PLEKHA7: variants seen among roughly 807,000 people sequenced by gnomAD.
PLEKHA7 encodes the protein pleckstrin homology domain containing A7, also known as pleckstrin homology domain-containing family A member 7.
In PLEKHA7, 104 loss-of-function variants were observed where a neutral mutation model predicts 170.0. That is an observed-to-expected ratio of 0.61 (90% confidence interval 0.52 to 0.72). The LOEUF (loss-of-function observed/expected upper bound fraction) is 0.72. PLEKHA7 is among the 30% of genes least tolerant of loss of function. The pLI is 0.00. For missense variants in PLEKHA7, 1,615 were observed against 1,671.7 expected (o/e 0.97, Z 0.59); for synonymous variants, 648 against 660.8 (o/e 0.98, Z 0.30).
At chr11:16,982,829 A>G (rs1466389188) in intron 3 of PLEKHA7, among the ~76,000 whole-genome samples, 2 of 128,888 alleles carry the variant, frequency 1.6e-5, no homozygotes, top group African/African-American at 6.3e-5. Context: ...ACAGAGAGAG[A>G]GAGGGAGAGA....
intron 17 of PLEKHA7, 133 bp from the exon 18 acceptor site, chr11:16,795,151 GA>G: frequency 1.5e-6 from 1 of 659,968 alleles, no homozygotes; most frequent in Middle Eastern, 3.5e-4. Context: ...ACTAGTGCTA[GA>G]ACCAAGCCTG....
intron 10 of PLEKHA7, among the ~76,000 whole-genome samples, chr11:16,821,237 C>G (rs924733426): frequency 6.6e-6 from 1 of 152,202 alleles, no homozygotes; most frequent in Non-Finnish European, 1.5e-5. Flanking sequence ...ATCAATCACA[C>G]AGGACTTCCA....
At chr11:16,906,813 G>A in intron 3 of PLEKHA7, among the ~76,000 whole-genome samples, 1 of 136,038 alleles carries the variant, frequency 7.4e-6, no homozygotes, top group South Asian at 2.6e-4. Context: ...GAGCCTCTCT[G>A]CCTGGCTGCC....
rs1424242751 is a variant in PLEKHA7, at chr11:17,014,316, T to C, written c.86A>G (p.Asn29Ser). 6.9e-7 allele frequency: 1 copy of C among 1,442,332 alleles called. No homozygotes were observed. The highest frequency in any genetic ancestry group is 9.1e-7 in the Non-Finnish European group (1 of 1,093,136). The allele number at this position is 1,442,332 out of a possible 1,614,324, so 89.3% of individuals were successfully genotyped here. ...GCGTCCCCGGGTCCTCGCGCCGCAC[T>C]TGATGAAGAAGACGCGGCCATCCCG... Reference protein sequence around the residue: ...VCRDGRVFFINDQLRCTTWLH... With the variant: ...VCRDGRVFFISDQLRCTTWLH... The change falls in exon 1 of 27, where the codon AAT (asparagine) becomes AGT (serine). Residue 29 changes from asparagine (N) to serine (S), a missense_variant and splice_region_variant. Transcript: ENST00000531066.
intron 17 of PLEKHA7, among the ~76,000 whole-genome samples, chr11:16,798,482 G>T (rs1848386057): frequency 6.6e-6 from 1 of 152,138 alleles, no homozygotes. Flanking sequence ...AAAAAAAAAG[G>T]ATTCTAGGCC....
intron 4 of PLEKHA7, among the ~76,000 whole-genome samples, chr11:16,866,233 G>C (rs1042348350): frequency 1.3e-5 from 2 of 152,166 alleles, no homozygotes; most frequent in Non-Finnish European, 2.9e-5. Flanking sequence ...CTGAAGAAAT[G>C]TAAGTGAAAG....
At chr11:16,964,672 C>T (rs573575665) in intron 3 of PLEKHA7, among the ~76,000 whole-genome samples, 1 of 152,220 alleles carries the variant, frequency 6.6e-6, no homozygotes, top group Non-Finnish European at 1.5e-5. Flanking sequence ...TGGGCAGGGC[C>T]TTTCCTGCTT....
At chr11:16,780,848 C>T in intron 26 of PLEKHA7, 1 of 321,054 alleles carries the variant, frequency 3.1e-6, no homozygotes, top group Non-Finnish European at 4.5e-6. Context: ...CAGCAGGTGG[C>T]ACTGCAATCA....
Position 16,786,404 on chromosome 11 carries a change from A to C in PLEKHA7, c.3358-17T>G. 2 of 1,535,966 alleles carry C rather than the reference A, an allele frequency of 1.3e-6. No homozygotes were observed. Among genetic ancestry groups the C allele is most frequent in the Non-Finnish European group, 1.7e-6 (2 of 1,146,780 alleles). On this transcript the variant is annotated splice_polypyrimidine_tract_variant and intron_variant, in intron 23 of 26. Coordinates refer to ENST00000531066, the MANE Select transcript of PLEKHA7 (RefSeq NM_001329630.2). ...ACGCTTCCACTGGCAACAGAACAAG[A>C]GGTTAAACGTAGTCGCTTCCTGATT...
In PLEKHA7 at chr11:16,789,746, G is replaced by A; in HGVS notation, c.3156+29C>T. 1 of 1,572,314 alleles carries A rather than the reference G, an allele frequency of 6.4e-7. No homozygotes were observed. The highest frequency in any genetic ancestry group is 8.7e-7 in the Non-Finnish European group (1 of 1,143,334). ...CTCCCTCCCCATGTGAAGGAGCAGGGAGGTCCTCGACAGCTCAAGGCCACT... is the reference window on the plus strand; with the variant it reads ...CTCCCTCCCCATGTGAAGGAGCAGGAAGGTCCTCGACAGCTCAAGGCCACT... On this transcript the variant is annotated intron_variant, in intron 22 of 26. Coordinates refer to ENST00000531066, the MANE Select transcript of PLEKHA7 (RefSeq NM_001329630.2). The surrounding 1 kb of genome is among the most constrained non-coding windows in gnomAD (Gnocchi z 4.6).
chr11:16,947,243 G>A (rs1331787081), intron 3 of PLEKHA7, among the ~76,000 whole-genome samples: 1 of 152,140 alleles, frequency 6.6e-6, no homozygotes, highest in East Asian at 1.9e-4. Flanking sequence ...ACTGTTGGTG[G>A]GAATGTAAAT....
intron 4 of PLEKHA7, among the ~76,000 whole-genome samples, chr11:16,864,060 G>A (rs538423540): frequency 3.9e-5 from 6 of 152,276 alleles, no homozygotes; most frequent in African/African-American, 9.6e-5. Context: ...CTCACTCAGC[G>A]CACTGAGTAT....
In PLEKHA7 at chr11:16,817,183, A is replaced by G. The variant is rs1397675952; in HGVS notation, c.1483T>C (p.Tyr495His). The G allele has an allele frequency of 1.1e-5, 17 of 1,614,144 alleles. No individual in the cohort carries two copies. The highest frequency in any genetic ancestry group is 1.4e-5 in the Non-Finnish European group (16 of 1,180,026). Residue 495 changes from tyrosine (Y) to histidine (H), a missense_variant, in exon 11 of 27, where the codon TAC (tyrosine) becomes CAC (histidine). Transcript: ENST00000531066. This position sits in a 1 kb window ranked among gnomAD's most constrained non-coding sequence, Gnocchi z 4.4. ...CTGGCTCGGTCCTGCGCATACTTGTAGTCACTTGGCAGGTTTCGGGGAGGT... is the reference window on the plus strand; with the variant it reads ...CTGGCTCGGTCCTGCGCATACTTGTGGTCACTTGGCAGGTTTCGGGGAGGT... ...SPPPRNLPSDYKYAQDRASHL... is the reference protein window; with the variant it reads ...SPPPRNLPSDHKYAQDRASHL...
chr11:16,801,056 T>A lies in PLEKHA7; in HGVS notation c.2327A>T (p.Asn776Ile), dbSNP rs780034181. ...RESTEMENAW[N>I]EYLKLENDVE... The stretch of plus-strand genomic sequence containing the variant: ...ATCATTCTCCAACTTCAGGTATTCG[T>A]TCCAAGCATTTTCCATCTCCTGTTG... Residue 776 changes from asparagine to isoleucine, a missense_variant, in exon 17 of 27, where the codon AAC becomes ATC. By Grantham distance (149) the Asn-to-Ile change is moderately radical. Transcript: ENST00000531066. The A allele has an allele frequency of 6.2e-6, 10 of 1,614,220 alleles. No individual in the cohort carries two copies. The highest frequency in any genetic ancestry group is 8.5e-6 in the Non-Finnish European group (10 of 1,180,032).
chr11:16,789,022 G>C lies in PLEKHA7; in HGVS notation c.3357+74C>G, dbSNP rs1266285444. Reference sequence around the variant, plus strand: ...GCTCTCTCACTGGGAGGTGTGATGTGCTTGTGTTTGGGGGACTCTGAGGGG... The same window carrying C: ...GCTCTCTCACTGGGAGGTGTGATGTCCTTGTGTTTGGGGGACTCTGAGGGG... On this transcript the variant is annotated intron_variant, in intron 23 of 26. Transcript: ENST00000531066. This position sits in a 1 kb window ranked among gnomAD's most constrained non-coding sequence, Gnocchi z 4.6. The C allele has an allele frequency of 1.8e-5, 28 of 1,513,698 alleles. No individual in the cohort carries two copies. The highest frequency in any genetic ancestry group is 2.3e-5 in the Non-Finnish European group (26 of 1,124,692). 93.8% of individuals were successfully genotyped at this position (1,513,698 alleles called of 1,614,324 possible).
chr11:16,828,087 G>C (rs889151628), intron 9 of PLEKHA7, among the ~76,000 whole-genome samples: 2 of 152,176 alleles, frequency 1.3e-5, no homozygotes, highest in Non-Finnish European at 2.9e-5. Flanking sequence ...CTCCACATGG[G>C]ATCTGCTTCT....
intron 21 of PLEKHA7, 160 bp downstream of exon 21, chr11:16,790,638 G>A (rs1847774208): frequency 3.1e-6 from 2 of 647,080 alleles, no homozygotes; most frequent in African/African-American, 3.7e-5. Context: ...GCCAGAGGAA[G>A]ACAGGCCAGG....
At chr11:17,007,334 T>C (rs528463861) in intron 3 of PLEKHA7, among the ~76,000 whole-genome samples, 21 of 152,202 alleles carry the variant, frequency 1.4e-4, no homozygotes, top group African/African-American at 5.1e-4. Context: ...AAAAAATTTT[T>C]TTTTTGAGAC....
At chr11:16,995,730 T>C (rs1864301304) in intron 3 of PLEKHA7, among the ~76,000 whole-genome samples, 3 of 152,180 alleles carry the variant, frequency 2.0e-5, no homozygotes, top group African/African-American at 7.2e-5. Context: ...TGGAGCTTTT[T>C]CTTCCTCTGC....
Sources: allele counts gnomAD v4.1 joint callset (sites outside exome capture counted in the v4.1 genomes callset), GRCh38; gene constraint gnomAD v4.1.1; non-coding constraint Gnocchi (gnomAD v3.1); transcripts MANE v1.5; gene names NCBI Gene and HGNC (gene_info 2026-07-23, HGNC 2026-07-21).